UTS2B: variants seen among roughly 807,000 people sequenced by gnomAD.
The protein encoded by UTS2B is urotensin 2B, also known as urotensin-2B.
UTS2B carries 21 observed loss-of-function variants against 19.2 expected under a neutral mutation model. The ratio of observed to expected loss-of-function variants is 1.09; its 90% CI spans 0.78 to 1.58. UTS2B has a LOEUF of 1.58. UTS2B is among the 40% of genes most tolerant of loss of function. The pLI is 0.00. For synonymous variants in UTS2B, 57 were observed against 50.2 expected (o/e 1.14, Z -0.58); for missense variants, 138 against 130.3 (o/e 1.06, Z -0.29).
rs200070201 is a variant in UTS2B, at chr3:191,278,143, T to A, written c.131A>T (p.Tyr44Phe). The A allele has an allele frequency of 1.3e-6, 2 of 1,555,382 alleles. No individual in the cohort carries two copies. The highest frequency in any genetic ancestry group is 1.4e-5 in the African/African-American group (1 of 72,058). The change falls in exon 6 of 9, where the codon TAT becomes TTT. Residue 44 changes from tyrosine to phenylalanine, a missense_variant. Physicochemically the swap from Tyr to Phe is conservative, Grantham distance 22. Transcript: ENST00000340524. ...QGNEIFPDKK[Y>F]TNREELLLAL... ...CAGCAATAGTTCCTCACGATTTGTA[T>A]ATTTTTTATCTGGAAATATTTCATT...
intron 8 of UTS2B, among the ~76,000 whole-genome samples, chr3:191,268,829 C>G (rs934680580): frequency 6.6e-6 from 1 of 152,094 alleles, no homozygotes; most frequent in Non-Finnish European, 1.5e-5. Flanking sequence ...CTTGAGGTAA[C>G]TGATATACCA....
At chr3:191,327,152 T>G (rs1372899002) in intron 2 of UTS2B, among the ~76,000 whole-genome samples, 2 of 152,324 alleles carry the variant, frequency 1.3e-5, no homozygotes, top group Middle Eastern at 6.8e-3. Context: ...GTGATTTTAC[T>G]GAAAAGAATG....
At chr3:191,298,195 C>T (rs988683927) in intron 4 of UTS2B, among the ~76,000 whole-genome samples, 1 of 151,870 alleles carries the variant, frequency 6.6e-6, no homozygotes, top group Admixed American at 6.6e-5. Context: ...AATAATAGAC[C>T]CACAATAACC....
At position 191,316,443 on chromosome 3, in the gene UTS2B, C is replaced by G. The variant is rs917672573; in HGVS notation, c.-585-4G>C. ...GAGTGAGCAGCAGCAAGATTTACTG[C>G]AAAGAGCGAAAAAATAGATCTCCCA... is the stretch of plus-strand genomic sequence containing the variant. On this transcript the variant is annotated splice_region_variant and splice_polypyrimidine_tract_variant and intron_variant, in intron 2 of 8. Transcript: ENST00000340524. 1.3e-5 allele frequency: 2 copies of G among 152,222 alleles called. No homozygotes were observed. The highest frequency in any genetic ancestry group is 4.8e-5 in the African/African-American group (2 of 41,428). 9.4% of individuals were successfully genotyped at this position (152,222 alleles called of 1,614,324 possible). A position where few individuals can be genotyped will look rare whatever the true frequency, so the allele number is the denominator to read the frequency against.
rs777594658 is a variant in UTS2B, at chr3:191,329,640, C to CCG, written c.-665+772_-665+773dup. ...TCGGCGCCGGCGGTGACCGGGAAGC[C>CCG]CGCGTTAAAGGGGCAACCGGGACCC... On this transcript the variant is annotated intron_variant, in intron 1 of 8. Transcript: ENST00000340524. The CCG allele has an allele frequency of 1.9e-6, 3 of 1,596,510 alleles. No homozygotes were observed. In the Admixed American group the frequency reaches 5.2e-5, roughly 28 times the overall value.
upstream of UTS2B, among the ~76,000 whole-genome samples, chr3:191,333,620 T>C (rs1718056822): frequency 6.6e-6 from 1 of 152,214 alleles, no homozygotes; most frequent in Admixed American, 6.5e-5. Context: ...TATCTTGCTG[T>C]ACCCTCATTT....
intron 4 of UTS2B, among the ~76,000 whole-genome samples, chr3:191,290,269 G>A (rs570316503): frequency 3.3e-5 from 5 of 152,160 alleles, no homozygotes; most frequent in African/African-American, 7.2e-5. Context: ...GTTTACTATC[G>A]ATTGTATTGG....
At chr3:191,319,447 C>T (rs1717551754) in intron 2 of UTS2B, among the ~76,000 whole-genome samples, 1 of 152,184 alleles carries the variant, frequency 6.6e-6, no homozygotes, top group African/African-American at 2.4e-5. Flanking sequence ...GCAAATGTCC[C>T]TCACGGCAAA....
rs549210054 is a variant in UTS2B, at chr3:191,268,364, T to C, written c.*52A>G. ...GTCTGCCTACAGCAGAGTGAGTAGA[T>C]ACATATATTTTCCTGATATTCTTAT... On this transcript the variant is annotated 3_prime_UTR_variant, in exon 9 of 9. Transcript: ENST00000340524. 1.4e-5 allele frequency: 19 copies of C among 1,381,748 alleles called. No individual in the cohort carries two copies. In the East Asian group the frequency reaches 4.3e-4, roughly 31 times the overall value. 85.6% of individuals were successfully genotyped at this position (1,381,748 alleles called of 1,614,324 possible). A position where few individuals can be genotyped will look rare whatever the true frequency, so the allele number is the denominator to read the frequency against.
chr3:191,277,926 CA>C (rs1040241338), intron 6 of UTS2B, 145 bp downstream of exon 6: 8 of 468,134 alleles, frequency 1.7e-5, no homozygotes, highest in Non-Finnish European at 2.2e-5. Flanking sequence ...AAATATAAAA[CA>C]AAAAAATCAC....
At chr3:191,329,836 C>T (rs1031590438) in intron 1 of UTS2B, 119 of 1,059,576 alleles carry the variant, frequency 1.1e-4, no homozygotes, top group Middle Eastern at 8.9e-4. Flanking sequence ...GGTGCCCGCC[C>T]TGCGTTGGCC....
chr3:191,332,296 A>AAC (rs1007907578), upstream of UTS2B, among the ~76,000 whole-genome samples: 1 of 152,198 alleles, frequency 6.6e-6, no homozygotes, highest in Non-Finnish European at 1.5e-5. Context: ...CTTTTGAAAA[A>AAC]ACACACACAC....
chr3:191,286,755 A>C (rs1002600026), intron 4 of UTS2B, among the ~76,000 whole-genome samples: 2 of 152,122 alleles, frequency 1.3e-5, no homozygotes, highest in Non-Finnish European at 1.5e-5. Flanking sequence ...GGGGAAGGAA[A>C]TAATAAAGAT....
intron 4 of UTS2B, among the ~76,000 whole-genome samples, chr3:191,287,141 G>GA (rs1187051728): frequency 1.3e-5 from 2 of 151,980 alleles, no homozygotes; most frequent in African/African-American, 4.8e-5. Flanking sequence ...GAAAAGCCCA[G>GA]AAAAAATCTG....
intron 2 of UTS2B, among the ~76,000 whole-genome samples, chr3:191,317,073 G>A (rs9848636): frequency 0.29 from 43,979 of 152,180 alleles, 6,636 homozygotes; most frequent in African/African-American, 0.35. Flanking sequence ...GGTGGTGCCC[G>A]TCAGGGAGGC....
chr3:191,272,022 A>G (rs1231928794), intron 8 of UTS2B, among the ~76,000 whole-genome samples: 3 of 152,216 alleles, frequency 2.0e-5, no homozygotes, highest in Admixed American at 6.5e-5. Flanking sequence ...AGTTAAAAGC[A>G]TATTTACCTG....
chr3:191,329,529 C>A, intron 1 of UTS2B: 1 of 716,104 alleles, frequency 1.4e-6, no homozygotes, highest in Non-Finnish European at 2.1e-6. Flanking sequence ...CCCTGCCCGC[C>A]CGACCCGCTC....
intron 3 of UTS2B, among the ~76,000 whole-genome samples, chr3:191,305,105 T>A (rs1413779185): frequency 6.6e-6 from 1 of 152,238 alleles, no homozygotes; most frequent in African/African-American, 2.4e-5. Flanking sequence ...TCTTTGCTAC[T>A]GTGAATACTG....
intron 3 of UTS2B, among the ~76,000 whole-genome samples, chr3:191,308,822 T>G (rs552289825): frequency 6.6e-6 from 1 of 152,310 alleles, no homozygotes; most frequent in Non-Finnish European, 1.5e-5. Context: ...ACTAGGATAT[T>G]GAGGATACTT....
Sources: gnomAD v4.1 joint callset for allele counts (sites outside exome capture counted in the v4.1 genomes callset) on GRCh38, gnomAD v4.1.1 for gene constraint, MANE v1.5 for transcripts, NCBI Gene and HGNC (gene_info 2026-07-23, HGNC 2026-07-21) for gene names.